Variants in DESI2 observed in about 807,000 individuals in gnomAD.
DESI2 encodes the protein desumoylating isopeptidase 2.
Under a neutral mutation model 24.1 loss-of-function variants are expected in DESI2, and 10 were observed. The observed-to-expected ratio is 0.41, with a 90% CI of 0.26 to 0.70. The LOEUF is 0.70. Among genes scored for constraint, DESI2 ranks in the 30% least tolerant of loss-of-function variants. The pLI is 0.29. For missense variants in DESI2, 122 were observed against 234.9 expected (o/e 0.52, Z 3.14); for synonymous variants, 71 against 87.7 (o/e 0.81, Z 1.06).
intron 1 of DESI2, among the ~76,000 whole-genome samples, chr1:244,658,079 C>G (rs1208175138): frequency 1.3e-5 from 2 of 152,206 alleles, no homozygotes; most frequent in Non-Finnish European, 2.9e-5. Context: ...ATCCCCATTT[C>G]CACTAATGCT....
chr1:244,708,220 G>A lies in DESI2; in HGVS notation c.*2431G>A, dbSNP rs1034772770. 7 of 152,442 alleles carry A rather than the reference G, an allele frequency of 4.6e-5. No individual in the cohort carries two copies. Among genetic ancestry groups the A allele is most frequent in the African/African-American group, 7.2e-5 (3 of 41,456 alleles). The allele number at this position is 152,442 out of a possible 1,614,324, so 9.4% of individuals were successfully genotyped here. On this transcript the variant is annotated 3_prime_UTR_variant, in exon 5 of 5. Coordinates refer to ENST00000302550, the MANE Select transcript of DESI2 (RefSeq NM_016076.5). ...CGGAGTCTCTTTGTTGTCACCAAGT[G>A]AACATACTTCTCATGGTGGGTTGGA...
In DESI2 at chr1:244,686,718, A is replaced by C. The variant is rs751476956; in HGVS notation, c.115+49A>C. 2.8e-5 allele frequency: 34 copies of C among 1,212,410 alleles called. 1 individual carries two copies. The South Asian group carries it at 4.1e-4, about 15-fold the overall frequency. 75.1% of individuals were successfully genotyped at this position (1,212,410 alleles called of 1,614,324 possible). A position where few individuals can be genotyped will look rare whatever the true frequency, so the allele number is the denominator to read the frequency against. Reference sequence around the variant, plus strand: ...ATACTCTCTGAAGATTTTGTACTTTAAAAGAGTTGCAAAATCATAACTATA... The same window carrying C: ...ATACTCTCTGAAGATTTTGTACTTTCAAAGAGTTGCAAAATCATAACTATA... On this transcript the variant is annotated intron_variant, in intron 2 of 4. Coordinates refer to ENST00000302550, the MANE Select transcript of DESI2 (RefSeq NM_016076.5).
At chr1:244,685,373 T>C (rs1207102877) in intron 1 of DESI2, among the ~76,000 whole-genome samples, 1 of 152,198 alleles carries the variant, frequency 6.6e-6, no homozygotes, top group Non-Finnish European at 1.5e-5. Flanking sequence ...TGTCATTAAT[T>C]TTAAATATCT....
intron 1 of DESI2, among the ~76,000 whole-genome samples, chr1:244,675,322 GTTGCTT>G (rs1054436604): frequency 6.6e-6 from 1 of 151,814 alleles, no homozygotes; most frequent in South Asian, 2.1e-4. Flanking sequence ...TTTTTCTTTT[GTTGCTT>G]TTGCTTTTGG....
chr1:244,660,067 A>C (rs1015081263), intron 1 of DESI2, among the ~76,000 whole-genome samples: 1 of 152,226 alleles, frequency 6.6e-6, no homozygotes, highest in Non-Finnish European at 1.5e-5. Flanking sequence ...GATAAAGTTA[A>C]CAAAACATTT....
chr1:244,703,000 C>CTTTTTTTTTTT lies in DESI2; in HGVS notation c.352-2550_352-2540dup, dbSNP rs72210181. Among the ~76,000 whole-genome samples the CTTTTTTTTTTT allele has an allele frequency of 3.8e-5, 5 of 131,604 alleles. 1 individual carries two copies. The highest frequency in any genetic ancestry group is 5.7e-5 in the African/African-American group (2 of 34,992). 86.3% of individuals were successfully genotyped at this position (131,604 alleles called of 152,430 possible). A position where few individuals can be genotyped will look rare whatever the true frequency, so the allele number is the denominator to read the frequency against. ...ACAATGTAATATTTGTTTGCCAGCGCTTTTTTTTTTTTTTTTGGTGAGACG... is the reference window on the plus strand; with the variant it reads ...ACAATGTAATATTTGTTTGCCAGCGCTTTTTTTTTTTTTTTTTTTTTTTTTTTGGTGAGACG... On this transcript the variant is annotated intron_variant, in intron 4 of 4. Coordinates refer to ENST00000302550, the MANE Select transcript of DESI2 (RefSeq NM_016076.5).
chr1:244,688,098 A>G (rs1358016082), intron 2 of DESI2, among the ~76,000 whole-genome samples: 1 of 152,232 alleles, frequency 6.6e-6, no homozygotes, highest in East Asian at 1.9e-4. Context: ...TCCCCTTCAT[A>G]AAATTATTTA....
At chr1:244,688,373 C>A (rs1476496589) in intron 2 of DESI2, among the ~76,000 whole-genome samples, 2 of 152,140 alleles carry the variant, frequency 1.3e-5, no homozygotes, top group Non-Finnish European at 1.5e-5. Context: ...TCTCAAACTA[C>A]ATCATTGCTT....
chr1:244,662,227 TCCTTTG>T (rs1269296803), intron 1 of DESI2, among the ~76,000 whole-genome samples: 15 of 152,252 alleles, frequency 9.9e-5, no homozygotes, highest in Admixed American at 2.0e-4. Flanking sequence ...TCTGTTCATG[TCCTTTG>T]CCCACTTGTT....
intron 1 of DESI2, among the ~76,000 whole-genome samples, chr1:244,671,009 G>A (rs2148791495): frequency 6.6e-6 from 1 of 152,248 alleles, no homozygotes; most frequent in Non-Finnish European, 1.5e-5. Context: ...TGATCCTAAG[G>A]GAAAGAGATC....
At chr1:244,687,680 G>A (rs1424000013) in intron 2 of DESI2, among the ~76,000 whole-genome samples, 2 of 152,074 alleles carry the variant, frequency 1.3e-5, no homozygotes, top group Non-Finnish European at 2.9e-5. Context: ...TTAAATGTTG[G>A]CTATAAAAAT....
chr1:244,674,708 G>C (rs1430377129), intron 1 of DESI2, among the ~76,000 whole-genome samples: 1 of 152,124 alleles, frequency 6.6e-6, no homozygotes, highest in Non-Finnish European at 1.5e-5. Flanking sequence ...TTTTTACTGA[G>C]AAATCATATT....
intron 1 of DESI2, among the ~76,000 whole-genome samples, chr1:244,683,553 C>A (rs923564660): frequency 1.3e-5 from 2 of 152,132 alleles, no homozygotes; most frequent in Non-Finnish European, 2.9e-5. Flanking sequence ...CCTTGTGATC[C>A]GCCCACCTCA....
chr1:244,676,236 C>G (rs1676411344), intron 1 of DESI2, among the ~76,000 whole-genome samples: 1 of 151,976 alleles, frequency 6.6e-6, no homozygotes, highest in Non-Finnish European at 1.5e-5. Flanking sequence ...GCCACCACAC[C>G]CGGCTCATTT....
chr1:244,680,341 A>G (rs1676564749), intron 1 of DESI2, among the ~76,000 whole-genome samples: 1 of 151,846 alleles, frequency 6.6e-6, no homozygotes, highest in Non-Finnish European at 1.5e-5. Flanking sequence ...CAGGAAACTG[A>G]GGTGGGAGAA....
chr1:244,655,599 T>TC (rs1675618633), intron 1 of DESI2, among the ~76,000 whole-genome samples: 1 of 152,114 alleles, frequency 6.6e-6, no homozygotes, highest in African/African-American at 2.4e-5. Flanking sequence ...TGGCAACAAT[T>TC]CAAGACAGAA....
At chr1:244,657,953 C>T (rs1176449446) in intron 1 of DESI2, among the ~76,000 whole-genome samples, 7 of 152,062 alleles carry the variant, frequency 4.6e-5, no homozygotes, top group Non-Finnish European at 7.4e-5. Flanking sequence ...GTGTTTCTAA[C>T]CTTTATGGTG....
intron 1 of DESI2, among the ~76,000 whole-genome samples, chr1:244,674,293 G>A (rs996348451): frequency 1.3e-4 from 20 of 149,286 alleles, no homozygotes; most frequent in East Asian, 2.0e-4. Context: ...GCACCCGGCC[G>A]ATTTACTTTA....
chr1:244,697,870 G>A (rs533430879), intron 4 of DESI2, among the ~76,000 whole-genome samples: 1 of 152,152 alleles, frequency 6.6e-6, no homozygotes, highest in African/African-American at 2.4e-5. Context: ...AAAAAAGGTT[G>A]AATCAGTTCT....
Sources: gnomAD v4.1 joint callset for allele counts (sites outside exome capture counted in the v4.1 genomes callset) on GRCh38, gnomAD v4.1.1 for gene constraint, MANE v1.5 for transcripts, NCBI Gene and HGNC (gene_info 2026-07-23, HGNC 2026-07-21) for gene names.